Variants in DYNC1I1 observed in about 807,000 individuals in gnomAD.
The protein encoded by DYNC1I1 is cytoplasmic dynein 1 intermediate chain 1.
In DYNC1I1, 43 loss-of-function variants were observed where a neutral mutation model predicts 86.6. That is an observed-to-expected ratio of 0.50 (90% CI 0.39 to 0.64). DYNC1I1 has a LOEUF of 0.64. DYNC1I1 is among the 30% of genes least tolerant of loss of function. DYNC1I1 has a pLI of 0.00. For synonymous variants in DYNC1I1, 262 were observed against 283.7 expected (o/e 0.92, Z 0.77); for missense variants, 604 against 788.8 (o/e 0.77, Z 2.81).
At chr7:96,024,317 G>A (rs975551340) in intron 10 of DYNC1I1, among the ~76,000 whole-genome samples, 5 of 151,952 alleles carry the variant, frequency 3.3e-5, no homozygotes, top group Admixed American at 6.6e-5. Flanking sequence ...TGCTAGTCTC[G>A]AACTCCTAGG....
At chr7:96,067,199 T>C (rs982944283) in intron 14 of DYNC1I1, among the ~76,000 whole-genome samples, 47 of 152,164 alleles carry the variant, frequency 3.1e-4, no homozygotes, top group Non-Finnish European at 5.4e-4. Flanking sequence ...GGCAAGAGGA[T>C]TAACAAAATC....
At chr7:96,075,467 A>G (rs2116242839) in intron 14 of DYNC1I1, among the ~76,000 whole-genome samples, 1 of 152,346 alleles carries the variant, frequency 6.6e-6, no homozygotes, top group Middle Eastern at 3.4e-3. Flanking sequence ...GGATCGCGAA[A>G]TGATTACCTC....
chr7:95,893,666 G>A (rs964659920), intron 6 of DYNC1I1, among the ~76,000 whole-genome samples: 3 of 152,282 alleles, frequency 2.0e-5, no homozygotes, highest in African/African-American at 7.2e-5. Context: ...ACAGATTTAG[G>A]TATCAAAGAC....
intron 6 of DYNC1I1, among the ~76,000 whole-genome samples, chr7:95,871,480 A>G (rs1232501282): frequency 6.6e-6 from 1 of 152,226 alleles, no homozygotes; most frequent in Non-Finnish European, 1.5e-5. Flanking sequence ...CCACCCAACC[A>G]AAACATTTGT....
intron 1 of DYNC1I1, among the ~76,000 whole-genome samples, chr7:95,778,537 C>T (rs1451042365): frequency 6.6e-6 from 1 of 152,152 alleles, no homozygotes; most frequent in African/African-American, 2.4e-5. Context: ...AGAGGCTGGT[C>T]CCATTTTCTG....
intron 10 of DYNC1I1, among the ~76,000 whole-genome samples, chr7:96,014,278 A>G (rs1223979865): frequency 6.6e-6 from 1 of 152,202 alleles, no homozygotes; most frequent in Non-Finnish European, 1.5e-5. Flanking sequence ...CCCATGAACA[A>G]AGTGACACAG....
chr7:95,793,654 G>C (rs1223392942), intron 1 of DYNC1I1, among the ~76,000 whole-genome samples: 3 of 152,172 alleles, frequency 2.0e-5, no homozygotes, highest in Admixed American at 2.0e-4. Flanking sequence ...CTAAAAATAT[G>C]CTTATTTGAA....
At chr7:95,970,836 T>C (rs1396548838) in intron 6 of DYNC1I1, among the ~76,000 whole-genome samples, 1 of 152,174 alleles carries the variant, frequency 6.6e-6, no homozygotes, top group Non-Finnish European at 1.5e-5. Context: ...ATTGTAGAGA[T>C]ATTTACAAGG....
chr7:96,057,606 T>C (rs76618815), intron 14 of DYNC1I1, among the ~76,000 whole-genome samples: 6,512 of 152,270 alleles, frequency 0.043, 169 homozygotes, highest in African/African-American at 0.081. Context: ...TTTTAATCAA[T>C]GCCAGAAAAT....
At position 96,009,600 on chromosome 7, in the gene DYNC1I1, GTCTT is replaced by G. The variant is rs1562970571; in HGVS notation, c.969+13529_969+13532del. ...ACTCCACTTGTTCATAACAAATACA[GTCTT>G]TTCTGTTGTTCCAGTAGCACCCTTT... On this transcript the variant is annotated intron_variant, in intron 10 of 16. Coordinates refer to ENST00000447467, the MANE Select transcript of DYNC1I1 (RefSeq NM_001135556.2). Among the ~76,000 whole-genome samples, 13 of 152,238 alleles carry G rather than the reference GTCTT, an allele frequency of 8.5e-5. No homozygotes were observed. In the South Asian group the frequency reaches 2.7e-3, roughly 32 times the overall value.
chr7:95,992,053 T>C (rs1429182474), intron 9 of DYNC1I1, among the ~76,000 whole-genome samples: 2 of 151,988 alleles, frequency 1.3e-5, no homozygotes, highest in African/African-American at 4.8e-5. Flanking sequence ...AGAGACGGGG[T>C]TTCACCGTGT....
intron 1 of DYNC1I1, among the ~76,000 whole-genome samples, chr7:95,790,679 C>T (rs995365255): frequency 6.6e-6 from 1 of 152,032 alleles, no homozygotes; most frequent in Non-Finnish European, 1.5e-5. Flanking sequence ...AGAAAGAATA[C>T]AAGATAAGTA....
intron 6 of DYNC1I1, among the ~76,000 whole-genome samples, chr7:95,891,986 G>A (rs904429424): frequency 6.6e-6 from 1 of 151,262 alleles, no homozygotes; most frequent in South Asian, 2.1e-4. Context: ...TTTTCTTTTT[G>A]AGACAGATTG....
chr7:96,061,828 G>A (rs1380524337), intron 14 of DYNC1I1, among the ~76,000 whole-genome samples: 4 of 151,820 alleles, frequency 2.6e-5, no homozygotes, highest in African/African-American at 9.7e-5. Flanking sequence ...GAATAAAAAA[G>A]TCACATTTTC....
At chr7:95,988,856 C>T (rs1793661221) in intron 9 of DYNC1I1, among the ~76,000 whole-genome samples, 2 of 152,172 alleles carry the variant, frequency 1.3e-5, no homozygotes, top group South Asian at 4.1e-4. Flanking sequence ...ATGAGGCAGC[C>T]ACCCTTACTA....
At chr7:95,805,584 C>G (rs1794683185) in intron 2 of DYNC1I1, among the ~76,000 whole-genome samples, 1 of 152,122 alleles carries the variant, frequency 6.6e-6, no homozygotes, top group South Asian at 2.1e-4. Flanking sequence ...ATCTTGGATT[C>G]TATAAGCCCA....
chr7:95,986,829 A>C (rs1049757437), intron 8 of DYNC1I1, among the ~76,000 whole-genome samples: 1 of 152,014 alleles, frequency 6.6e-6, no homozygotes, highest in Non-Finnish European at 1.5e-5. Context: ...CTGACATTTC[A>C]TAACAGTCTT....
intron 6 of DYNC1I1, among the ~76,000 whole-genome samples, chr7:95,942,229 G>A (rs1325307623): frequency 6.6e-6 from 1 of 152,096 alleles, no homozygotes; most frequent in Non-Finnish European, 1.5e-5. Context: ...TACCATCCGA[G>A]AATACTACAA....
intron 14 of DYNC1I1, among the ~76,000 whole-genome samples, chr7:96,040,783 A>G (rs1331541212): frequency 6.7e-6 from 1 of 149,736 alleles, no homozygotes; most frequent in East Asian, 2.0e-4. Context: ...GTGCAATGGC[A>G]CTATCTTGGC....
Sources: allele counts gnomAD v4.1 joint callset (sites outside exome capture counted in the v4.1 genomes callset), GRCh38; gene constraint gnomAD v4.1.1; transcripts MANE v1.5; gene names NCBI Gene and HGNC (gene_info 2026-07-23, HGNC 2026-07-21).